The following DLGAP2 variants were observed in gnomAD, a reference collection of about 807,000 sequenced individuals.
DLGAP2 encodes the protein disks large-associated protein 2.
A neutral mutation model predicts 100.3 loss-of-function variants in DLGAP2; 26 were observed. The ratio of observed to expected loss-of-function variants is 0.26; its 90% CI spans 0.19 to 0.36. The LOEUF is 0.36. Ranked by LOEUF, DLGAP2 falls within the 10% of genes least tolerant of loss-of-function variation. DLGAP2 has a pLI of 1.00. For synonymous variants in DLGAP2, 886 were observed against 630.1 expected (o/e 1.41, Z -6.08); for missense variants, 1,858 against 1,453.2 (o/e 1.28, Z -4.53).
chr8:911,236 G>A (rs141564503), intron 2 of DLGAP2, among the ~76,000 whole-genome samples: 2 of 152,216 alleles, frequency 1.3e-5, no homozygotes, highest in Non-Finnish European at 2.9e-5. Flanking sequence ...TAAGCGGTGC[G>A]TTTTCCATTA....
chr8:1,456,550 T>C (rs1046810732), intron 3 of DLGAP2, among the ~76,000 whole-genome samples: 1 of 152,206 alleles, frequency 6.6e-6, no homozygotes, highest in Non-Finnish European at 1.5e-5. Context: ...TAGTAAAAAC[T>C]GGTTTGTAAA....
At chr8:1,559,665 A>G (rs926582175) in intron 5 of DLGAP2, among the ~76,000 whole-genome samples, 1 of 152,170 alleles carries the variant, frequency 6.6e-6, no homozygotes, top group Non-Finnish European at 1.5e-5. Flanking sequence ...TTAATTCACA[A>G]AAAAAATCCC....
At chr8:1,516,671 C>G (rs112456468) in intron 4 of DLGAP2, among the ~76,000 whole-genome samples, 2 of 139,770 alleles carry the variant, frequency 1.4e-5, no homozygotes, top group Non-Finnish European at 3.1e-5. Context: ...GAGTGGGTGA[C>G]TGAGTGAAAG....
At chr8:1,086,735 C>A (rs1037887414) in intron 2 of DLGAP2, among the ~76,000 whole-genome samples, 1 of 152,104 alleles carries the variant, frequency 6.6e-6, no homozygotes, top group Non-Finnish European at 1.5e-5. Context: ...GTGCGCCCAA[C>A]AATGGAGCAC....
At chr8:1,484,186 C>T (rs1584946106) in intron 3 of DLGAP2, among the ~76,000 whole-genome samples, 1 of 152,228 alleles carries the variant, frequency 6.6e-6, no homozygotes, top group South Asian at 2.1e-4. Context: ...CTCCTGGGCT[C>T]TGAGCTCCAT....
intron 1 of DLGAP2, among the ~76,000 whole-genome samples, chr8:900,449 G>C (rs928429821): frequency 6.6e-6 from 1 of 152,246 alleles, no homozygotes; most frequent in Non-Finnish European, 1.5e-5. Context: ...CTCACTCCTG[G>C]TGTTCATTTT....
At chr8:1,250,093 C>G (rs10108098) in intron 2 of DLGAP2, among the ~76,000 whole-genome samples, 1 of 152,128 alleles carries the variant, frequency 6.6e-6, no homozygotes, top group Non-Finnish European at 1.5e-5. Context: ...GTTGGTCAGG[C>G]TGGTCTCGAT....
Position 1,495,474 on chromosome 8 carries a change from G to A in DLGAP2, c.107-5892G>A, listed in dbSNP as rs539994562. Among the ~76,000 whole-genome samples, 9 of 152,364 alleles carry A rather than the reference G, an allele frequency of 5.9e-5. 1 individual carries two copies. In the South Asian group the frequency reaches 8.3e-4, roughly 14 times the overall value. On this transcript the variant is annotated intron_variant, in intron 3 of 14. Coordinates refer to ENST00000637795, the MANE Select transcript of DLGAP2 (RefSeq NM_001346810.2). ...GCCAGGGCAGCCGAGGCCAAGAGTG[G>A]CGCTGCTGAGGGGCCGCCATCATGA...
intron 3 of DLGAP2, among the ~76,000 whole-genome samples, chr8:1,482,538 C>A (rs1319205787): frequency 6.6e-6 from 1 of 152,244 alleles, no homozygotes. Flanking sequence ...TGCAGAGGAC[C>A]TTGTAGTTAA....
Position 1,390,091 on chromosome 8 carries a change from C to T in DLGAP2, c.107-111275C>T, listed in dbSNP as rs544841033. On this transcript the variant is annotated intron_variant, in intron 3 of 14. Coordinates refer to ENST00000637795, the MANE Select transcript of DLGAP2 (RefSeq NM_001346810.2). The stretch of plus-strand genomic sequence containing the variant: ...ACATTTCATCCGTTGATGGAGATCA[C>T]AGGGCCCTGGTGGAGTATCAGGCTT... 1.1e-3 allele frequency among the ~76,000 whole-genome samples: 160 copies of T among 152,206 alleles called. 1 individual carries two copies. The highest frequency in any genetic ancestry group is 1.5e-3 in the Non-Finnish European group (105 of 67,996).
intron 6 of DLGAP2, among the ~76,000 whole-genome samples, chr8:1,585,368 C>G (rs113204206): frequency 0.35 from 26,479 of 75,000 alleles, 3,747 homozygotes; most frequent in African/African-American, 0.57. Flanking sequence ...GGTGGCCGAG[C>G]CAGGAGAATT....
At chr8:1,356,022 C>T (rs1371636414) in intron 3 of DLGAP2, among the ~76,000 whole-genome samples, 1 of 152,118 alleles carries the variant, frequency 6.6e-6, no homozygotes, top group Non-Finnish European at 1.5e-5. Flanking sequence ...CCCTGCCTTG[C>T]ATGATCGGGG....
chr8:1,306,030 T>C (rs942892488), intron 3 of DLGAP2, among the ~76,000 whole-genome samples: 4 of 144,582 alleles, frequency 2.8e-5, no homozygotes, highest in Non-Finnish European at 6.0e-5. Context: ...GAAATGCCAC[T>C]TCTACTCATC....
intron 1 of DLGAP2, among the ~76,000 whole-genome samples, chr8:797,481 G>A (rs1390815517): frequency 6.6e-6 from 1 of 152,116 alleles, no homozygotes; most frequent in East Asian, 1.9e-4. Context: ...TTGGGAATTT[G>A]AGGCTGTTGT....
chr8:1,029,748 G>A (rs1801922415), intron 2 of DLGAP2, among the ~76,000 whole-genome samples: 1 of 152,176 alleles, frequency 6.6e-6, no homozygotes, highest in Admixed American at 6.5e-5. Context: ...TACAGGGGAT[G>A]GAAAGTCAAA....
intron 2 of DLGAP2, among the ~76,000 whole-genome samples, chr8:908,342 G>A (rs1207020520): frequency 2.0e-5 from 3 of 152,168 alleles, no homozygotes; most frequent in African/African-American, 7.2e-5. Flanking sequence ...AGAGAGAAAT[G>A]TGTTTGGAAT....
At chr8:928,828 A>T (rs1419645497) in intron 2 of DLGAP2, among the ~76,000 whole-genome samples, 1 of 151,972 alleles carries the variant, frequency 6.6e-6, no homozygotes. Flanking sequence ...CTGATTTCAC[A>T]GAGGAGGAAA....
At chr8:1,090,247 C>T (rs1160743942) in intron 2 of DLGAP2, among the ~76,000 whole-genome samples, 1 of 150,474 alleles carries the variant, frequency 6.6e-6, no homozygotes. Context: ...GAAACTCACA[C>T]CCCGAGGACC....
chr8:1,212,018 C>G (rs113926749), intron 2 of DLGAP2, among the ~76,000 whole-genome samples: 5 of 152,324 alleles, frequency 3.3e-5, no homozygotes, highest in African/African-American at 7.2e-5. Context: ...TGGTCCTTCA[C>G]CTGATTCACA....
Sources: gnomAD v4.1 joint callset for allele counts (sites outside exome capture counted in the v4.1 genomes callset) on GRCh38, gnomAD v4.1.1 for gene constraint, MANE v1.5 for transcripts, NCBI Gene and HGNC (gene_info 2026-07-23, HGNC 2026-07-21) for gene names.